ACTN4: variants seen among roughly 807,000 people sequenced by gnomAD.
ACTN4 encodes the protein actinin alpha 4, also known as alpha-actinin-4.
In ACTN4, 18 loss-of-function variants were observed where a neutral mutation model predicts 114.2. The ratio of observed to expected loss-of-function variants is 0.16; its 90% CI spans 0.11 to 0.23. The LOEUF (loss-of-function observed/expected upper bound fraction) is 0.23, where lower values mean the gene tolerates loss of function less well. Among genes scored for constraint, ACTN4 ranks in the 10% least tolerant of loss-of-function variants. The pLI is 1.00. For missense variants in ACTN4, 722 were observed against 1,262.9 expected (o/e 0.57, Z 6.49); for synonymous variants, 515 against 506.3 (o/e 1.02, Z -0.23).
intron 1 of ACTN4, among the ~76,000 whole-genome samples, chr19:38,664,045 C>T (rs904057576): frequency 7.9e-5 from 12 of 152,220 alleles, no homozygotes; most frequent in Non-Finnish European, 1.5e-4. Flanking sequence ...GATGACCACG[C>T]GCAGCCGGAA....
intron 12 of ACTN4, chr19:38,721,945 G>T: frequency 1.7e-6 from 1 of 572,940 alleles, no homozygotes; most frequent in South Asian, 1.9e-5. Context: ...CCCTTGTCTT[G>T]ATTCTTCAGG....
intron 11 of ACTN4, among the ~76,000 whole-genome samples, chr19:38,718,855 T>C (rs1223340471): frequency 6.6e-6 from 1 of 152,236 alleles, no homozygotes; most frequent in Non-Finnish European, 1.5e-5. Flanking sequence ...GGGGAGCCCA[T>C]GTTCACTGGC....
Position 38,709,358 on chromosome 19 carries a change from G to A in ACTN4, c.652-37G>A, listed in dbSNP as rs45561939. The A allele has an allele frequency of 0.031, 46,753 of 1,516,432 alleles. 1,376 individuals carry two copies. Among genetic ancestry groups the A allele is most frequent in the Admixed American group, 0.11 (6,645 of 59,848 alleles). 93.9% of individuals were successfully genotyped at this position (1,516,432 alleles called of 1,614,324 possible). A position where few individuals can be genotyped will look rare whatever the true frequency, so the allele number is the denominator to read the frequency against. On this transcript the variant is annotated intron_variant, in intron 6 of 20. Transcript: ENST00000252699. ...CCCTCCTGCTCCTGCACCCTGCCCT[G>A]ACGGAGTTCTTGTTGTCCCCACTTG... is the stretch of plus-strand genomic sequence containing the variant.
In ACTN4 at chr19:38,724,346, C is replaced by G; in HGVS notation, c.1875+7C>G. The stretch of plus-strand genomic sequence containing the variant: ...CAACTCCAAGTGGGAGAAGGTGGGC[C>G]GGGGCCATCCGTAGGGGCTGGGGCA... On this transcript the variant is annotated splice_region_variant and intron_variant, in intron 15 of 20. Transcript: ENST00000252699. The surrounding 1 kb of genome is among the most constrained non-coding windows in gnomAD (Gnocchi z 7.0). 2 of 1,613,150 alleles carry G rather than the reference C, an allele frequency of 1.2e-6. No individual in the cohort carries two copies. Among genetic ancestry groups the G allele is most frequent in the Non-Finnish European group, 1.7e-6 (2 of 1,179,880 alleles).
At chr19:38,653,522 C>G (rs573578776) in intron 1 of ACTN4, among the ~76,000 whole-genome samples, 1 of 152,046 alleles carries the variant, frequency 6.6e-6, no homozygotes, top group Admixed American at 6.6e-5. Flanking sequence ...ATCACTTGCT[C>G]GTTCAGGTTT....
rs1209042070 is a variant in ACTN4 at position 38,729,950 on chromosome 19, CAGG to C, written c.*521_*523del. The C allele has an allele frequency of 2.4e-5, 8 of 332,216 alleles. No individual in the cohort carries two copies. Among genetic ancestry groups the C allele is most frequent in the African/African-American group, 1.5e-4 (7 of 46,176 alleles). The allele number at this position is 332,216 out of a possible 1,614,324, so 20.6% of individuals were successfully genotyped here. A position where few individuals can be genotyped will look rare whatever the true frequency, so the allele number is the denominator to read the frequency against. On this transcript the variant is annotated 3_prime_UTR_variant, in exon 21 of 21. Transcript: ENST00000252699. ...CTGCTCCAGACTCACTTGCCATTGC[CAGG>C]AGATGGCCCCAACAAGCACCCCGCT...
Position 38,729,514 on chromosome 19 carries a change from T to TATC in ACTN4, c.*83_*85dup, listed in dbSNP as rs747188587. On this transcript the variant is annotated 3_prime_UTR_variant, in exon 21 of 21. Transcript: ENST00000252699. The stretch of plus-strand genomic sequence containing the variant: ...CCCACAGTCCCATTCCTCCACTCTG[T>TATC]ATCTATGCAAAGCACTCTCTGCAGT... 10 of 1,070,324 alleles carry TATC rather than the reference T, an allele frequency of 9.3e-6. No homozygotes were observed. The highest frequency in any genetic ancestry group is 1.1e-5 in the Non-Finnish European group (9 of 787,402). The allele number at this position is 1,070,324 out of a possible 1,614,324, so 66.3% of individuals were successfully genotyped here.
intron 1 of ACTN4, among the ~76,000 whole-genome samples, chr19:38,693,320 T>C (rs1464347257): frequency 1.3e-5 from 2 of 152,222 alleles, no homozygotes; most frequent in Non-Finnish European, 2.9e-5. Flanking sequence ...AAAGCGACTT[T>C]GCAAGAGACT....
intron 1 of ACTN4, among the ~76,000 whole-genome samples, chr19:38,671,108 T>G (rs1369178090): frequency 6.6e-6 from 1 of 152,090 alleles, no homozygotes; most frequent in African/African-American, 2.4e-5. Flanking sequence ...AATTGTACTT[T>G]GCCCCTTAGT....
At position 38,724,086 on chromosome 19, in the gene ACTN4, C is replaced by T. The variant is rs908841174; in HGVS notation, c.1692+9C>T. ...CCATCGAGGAGATTGAGGTTCGCAC[C>T]CCCCGGCCCCCCATCTTCCCAAGAG... On this transcript the variant is annotated intron_variant, in intron 14 of 20. Transcript: ENST00000252699. This position sits in a 1 kb window ranked among gnomAD's most constrained non-coding sequence, Gnocchi z 7.0. 6.2e-7 allele frequency: 1 copy of T among 1,613,594 alleles called. No homozygotes were observed. The highest frequency in any genetic ancestry group is 8.5e-7 in the Non-Finnish European group (1 of 1,179,980).
chr19:38,676,901 A>G (rs1442029706), intron 1 of ACTN4, among the ~76,000 whole-genome samples: 2 of 152,186 alleles, frequency 1.3e-5, no homozygotes, highest in East Asian at 3.9e-4. Context: ...TAGGGGCCAA[A>G]GAACATCCTG....
In ACTN4 at chr19:38,701,155, C is replaced by T. The variant is rs781033033; in HGVS notation, c.397+34C>T. On this transcript the variant is annotated intron_variant, in intron 3 of 20. Coordinates refer to ENST00000252699, the MANE Select transcript of ACTN4 (RefSeq NM_004924.6). Reference sequence around the variant, plus strand: ...GAGGTGGGGCAGCGAGGGTCCTGCTCGGTTTCTGACCTTTAGGCTCTGAAG... The same window carrying T: ...GAGGTGGGGCAGCGAGGGTCCTGCTTGGTTTCTGACCTTTAGGCTCTGAAG... The T allele has an allele frequency of 1.3e-5, 21 of 1,612,854 alleles. No individual in the cohort carries two copies. In the South Asian group the frequency reaches 1.6e-4, roughly 13 times the overall value.
rs138945157 is a variant in ACTN4 at position 38,728,021 on chromosome 19, C to T, written c.2413C>T (p.Arg805Trp). ...CCTGGGCTACGACGTGGAGAACGAC[C>T]GGCAGGTACTGCACCCTGGGCCCCA... Reference protein sequence around the residue: ...ISLGYDVENDRQGEAEFNRIM... With the variant: ...ISLGYDVENDWQGEAEFNRIM... Residue 805 changes from arginine to tryptophan, a missense_variant, in exon 19 of 21, where the codon CGG (arginine) becomes TGG (tryptophan). Physicochemically the swap from Arg to Trp is moderately radical, Grantham distance 101 (BLOSUM62 -3). Around this residue, in one of 3 missense-constraint regions of ACTN4, gnomAD observed 523 missense variants for 875.9 expected, o/e 0.60. Coordinates refer to ENST00000252699, the MANE Select transcript of ACTN4 (RefSeq NM_004924.6). 8.1e-6 allele frequency: 13 copies of T among 1,611,912 alleles called. No homozygotes were observed. Among genetic ancestry groups the T allele is most frequent in the African/African-American group, 5.3e-5 (4 of 74,824 alleles).
In ACTN4 at chr19:38,690,448, T is replaced by C. The variant is rs147071836; in HGVS notation, c.163-10152T>C. ...AGTTTGTCCTAATCGAGCTAAACAC[T>C]AGTCGCTGGGTTCCATGGTTCTCTT... is the stretch of plus-strand genomic sequence containing the variant. On this transcript the variant is annotated intron_variant, in intron 1 of 20. Coordinates refer to ENST00000252699, the MANE Select transcript of ACTN4 (RefSeq NM_004924.6). 6.6e-3 allele frequency among the ~76,000 whole-genome samples: 1,011 copies of C among 152,334 alleles called. 9 individuals are homozygous for C. Among genetic ancestry groups the C allele is most frequent in the African/African-American group, 0.02 (830 of 41,578 alleles).
Position 38,731,574 on chromosome 19 carries a change from G to A in ACTN4, c.*2142G>A, listed in dbSNP as rs1969616777. 1 of 341,978 alleles carries A rather than the reference G, an allele frequency of 2.9e-6. No homozygotes were observed. The highest frequency in any genetic ancestry group is 2.1e-5 in the African/African-American group (1 of 47,956). The allele number at this position is 341,978 out of a possible 1,614,324, so 21.2% of individuals were successfully genotyped here. ...ATATTTCTGTGCAGCAAAAAATATA[G>A]TCAATCCCATATGGAGTCAGTTTCC... On this transcript the variant is annotated 3_prime_UTR_variant, in exon 21 of 21. Coordinates refer to ENST00000252699, the MANE Select transcript of ACTN4 (RefSeq NM_004924.6).
Position 38,730,430 on chromosome 19 carries a change from C to CTTT in ACTN4, c.*1006_*1008dup, listed in dbSNP as rs1202093647. 2.8e-5 allele frequency: 5 copies of CTTT among 176,022 alleles called. No individual in the cohort carries two copies. In the South Asian group the frequency reaches 4.7e-4, roughly 16 times the overall value. The allele number at this position is 176,022 out of a possible 1,614,324, so 10.9% of individuals were successfully genotyped here. ...TGGTTGATGGTTTTGCTCCCCCTAC[C>CTTT]TTTTTTTTTTGAGTTTATTCTGATT... On this transcript the variant is annotated 3_prime_UTR_variant, in exon 21 of 21. Transcript: ENST00000252699.
In ACTN4 at chr19:38,724,528, C is replaced by T; in HGVS notation, c.1973C>T (p.Ala658Val). The T allele has an allele frequency of 6.2e-7, 1 of 1,613,726 alleles. No homozygotes were observed. Among genetic ancestry groups the T allele is most frequent in the Non-Finnish European group, 8.5e-7 (1 of 1,179,984 alleles). Residue 658 changes from alanine to valine, a missense_variant, in exon 16 of 21, where the codon GCC (alanine) becomes GTC (valine). Ala to Val is a moderately conservative substitution (Grantham distance 64). Coordinates refer to ENST00000252699, the MANE Select transcript of ACTN4 (RefSeq NM_004924.6). The surrounding 1 kb of genome is among the most constrained non-coding windows in gnomAD (Gnocchi z 7.0). ...CTGCGCCGCCAGTTCGCCAGCCAGGCCAATGTTGTGGGGCCCTGGATCCAG... is the reference window on the plus strand; with the variant it reads ...CTGCGCCGCCAGTTCGCCAGCCAGGTCAATGTTGTGGGGCCCTGGATCCAG... Reference protein sequence around the residue: ...EHLRRQFASQANVVGPWIQTK... With the variant: ...EHLRRQFASQVNVVGPWIQTK...
intron 1 of ACTN4, among the ~76,000 whole-genome samples, chr19:38,649,370 A>C (rs1178310611): frequency 1.0e-5 from 1 of 98,052 alleles, no homozygotes; most frequent in Non-Finnish European, 2.1e-5. Context: ...GTGTGGGGGG[A>C]AGGGGTTGTT....
At chr19:38,683,649 C>T (rs1481269487) in intron 1 of ACTN4, among the ~76,000 whole-genome samples, 5 of 152,204 alleles carry the variant, frequency 3.3e-5, no homozygotes. Context: ...ATTTCCAGAG[C>T]AGCTTTATCG....
Sources: gnomAD v4.1 joint callset for allele counts (sites outside exome capture counted in the v4.1 genomes callset) on GRCh38, gnomAD v4.1.1 for gene constraint, gnomAD v4.1.1 regional missense constraint, Gnocchi (gnomAD v3.1) non-coding constraint, MANE v1.5 for transcripts, NCBI Gene and HGNC (gene_info 2026-07-23, HGNC 2026-07-21) for gene names.